UTRN: variants seen among roughly 807,000 people sequenced by gnomAD.
UTRN encodes dystrophin-related protein 1.
Under a neutral mutation model 463.9 loss-of-function variants are expected in UTRN, and 283 were observed. The observed-to-expected ratio is 0.61, with a 90% CI of 0.55 to 0.67. The LOEUF (loss-of-function observed/expected upper bound fraction) is 0.67, where lower values mean the gene tolerates loss of function less well. Among genes scored for constraint, UTRN ranks in the 30% least tolerant of loss-of-function variants. The pLI is 0.00. For missense variants in UTRN, 3,922 were observed against 4,084.3 expected (o/e 0.96, Z 1.08); for synonymous variants, 1,442 against 1,431.5 (o/e 1.01, Z -0.17).
intron 56 of UTRN, among the ~76,000 whole-genome samples, chr6:144,753,847 A>G (rs1791667789): frequency 6.6e-6 from 1 of 152,142 alleles, no homozygotes; most frequent in African/African-American, 2.4e-5. Flanking sequence ...AGCCTGGGCA[A>G]CAGAGTGAGA....
intron 2 of UTRN, among the ~76,000 whole-genome samples, chr6:144,313,814 A>G (rs1775096779): frequency 6.6e-6 from 1 of 152,320 alleles, no homozygotes; most frequent in South Asian, 2.1e-4. Context: ...GAGGCCCTCT[A>G]AAAGTCAGGA....
Position 144,560,038 on chromosome 6 carries a change from G to A in UTRN, c.7289+2727G>A, listed in dbSNP as rs999001348. Among the ~76,000 whole-genome samples, 7 of 152,086 alleles carry A rather than the reference G, an allele frequency of 4.6e-5. No homozygotes were observed. The East Asian group carries it at 9.6e-4, about 21-fold the overall frequency. On this transcript the variant is annotated intron_variant, in intron 50 of 74. Coordinates refer to ENST00000367545, the MANE Select transcript of UTRN (RefSeq NM_007124.3). The stretch of plus-strand genomic sequence containing the variant: ...TTTGTGCGTATAAATTTTGAGTGTC[G>A]TCTCATTGTCAGGCACTGTACTGAC...
intron 2 of UTRN, among the ~76,000 whole-genome samples, chr6:144,372,185 A>G (rs756998234): frequency 3.9e-5 from 6 of 152,220 alleles, no homozygotes; most frequent in Non-Finnish European, 7.3e-5. Context: ...AATCCTGCTT[A>G]TTTTATTTAG....
chr6:144,471,261 C>T (rs1584922945), intron 23 of UTRN, among the ~76,000 whole-genome samples: 1 of 152,112 alleles, frequency 6.6e-6, no homozygotes, highest in Non-Finnish European at 1.5e-5. Context: ...ATAAAACTTC[C>T]TCATATGCCA....
At position 144,428,850 on chromosome 6, in the gene UTRN, G is replaced by A. The variant is rs1315175395; in HGVS notation, c.651G>A (p.Lys217=). 1.2e-6 allele frequency: 2 copies of A among 1,611,124 alleles called. No individual in the cohort carries two copies. Among genetic ancestry groups the A allele is most frequent in the Non-Finnish European group, 8.5e-7 (1 of 1,179,218 alleles). ...AGAGACTTGAACATGCCTTCAGCAA[G>A]GCTCAAACTTATTTGGGAATTGAAA... ...PIERLEHAFS[K]AQTYLGIEKL... is the part of the protein sequence containing the mutation. The change falls in exon 8 of 75, where the codon AAG becomes AAA. Residue 217 remains lysine (K), a synonymous_variant. Coordinates refer to ENST00000367545, the MANE Select transcript of UTRN (RefSeq NM_007124.3).
chr6:144,583,528 G>C (rs1395408557), intron 51 of UTRN: 2 of 716,418 alleles, frequency 2.8e-6, no homozygotes, highest in South Asian at 3.0e-5. Context: ...CGTCTCTGCA[G>C]AAAGTTGTGG....
rs1260105237 is a variant in UTRN at position 144,843,942 on chromosome 6, C to G, written c.10271-2863C>G. 2.0e-5 allele frequency among the ~76,000 whole-genome samples: 3 copies of G among 152,164 alleles called. No individual in the cohort carries two copies. The East Asian group carries it at 5.8e-4, about 29-fold the overall frequency. ...AAATATTTATAATAGTCATAGTTTT[C>G]TGAATGAGCATTACTAGTCATGTCT... On this transcript the variant is annotated intron_variant, in intron 73 of 74. Transcript: ENST00000367545.
At chr6:144,747,526 AC>A (rs1790894445) in intron 54 of UTRN, among the ~76,000 whole-genome samples, 1 of 152,126 alleles carries the variant, frequency 6.6e-6, no homozygotes, top group Non-Finnish European at 1.5e-5. Context: ...TCTCCTCTGG[AC>A]TGTTCCAGCC....
intron 71 of UTRN, 144 bp from the exon 72 acceptor site, chr6:144,839,029 T>C (rs1195379102): frequency 1.7e-6 from 1 of 583,694 alleles, no homozygotes; most frequent in Non-Finnish European, 2.9e-6. Context: ...AAGCTGATGC[T>C]AAAATGTATG....
At chr6:144,459,120 C>A in intron 20 of UTRN, 54 bp from the exon 21 acceptor site, 2 of 1,581,970 alleles carry the variant, frequency 1.3e-6, no homozygotes, top group South Asian at 1.2e-5. Flanking sequence ...GATTAACTTC[C>A]TGTGAGGATG....
chr6:144,797,687 T>A, intron 63 of UTRN, 137 bp from the exon 64 acceptor site: 2 of 859,454 alleles, frequency 2.3e-6, no homozygotes, highest in Admixed American at 6.5e-5. Flanking sequence ...CTTAAAGCAT[T>A]GTGACTTAAC....
At chr6:144,718,425 G>A (rs1229713760) in intron 53 of UTRN, among the ~76,000 whole-genome samples, 1 of 152,214 alleles carries the variant, frequency 6.6e-6, no homozygotes, top group East Asian at 1.9e-4. Flanking sequence ...AGCTTTGATG[G>A]TGTACCAGCT....
At chr6:144,716,575 C>T (rs985676138) in intron 53 of UTRN, among the ~76,000 whole-genome samples, 2 of 152,002 alleles carry the variant, frequency 1.3e-5, no homozygotes, top group African/African-American at 4.8e-5. Context: ...TAAATGAGCT[C>T]AATTCTAGTG....
chr6:144,835,084 TC>T (rs1780991649), intron 69 of UTRN, among the ~76,000 whole-genome samples: 1 of 152,190 alleles, frequency 6.6e-6, no homozygotes, highest in African/African-American at 2.4e-5. Context: ...CATAAATATA[TC>T]AACTTTGTTA....
chr6:144,577,266 G>A lies in UTRN; in HGVS notation c.7457G>A (p.Arg2486Lys). Residue 2486 changes from arginine to lysine, a missense_variant, in exon 51 of 75, where the codon AGG (arginine) becomes AAG (lysine). By Grantham distance (26) the Arg-to-Lys change is conservative. Transcript: ENST00000367545. ...ENALQDSILARELKQQMQDIQ... is the reference protein window; with the variant it reads ...ENALQDSILAKELKQQMQDIQ... ...GCTCTTCAGGATAGTATCTTGGCCAGGGAACTCAAACAGCAGATGCAGGTA... is the reference window on the plus strand; with the variant it reads ...GCTCTTCAGGATAGTATCTTGGCCAAGGAACTCAAACAGCAGATGCAGGTA... 1 of 1,613,798 alleles carries A rather than the reference G, an allele frequency of 6.2e-7. No individual in the cohort carries two copies. Among genetic ancestry groups the A allele is most frequent in the Admixed American group, 1.7e-5 (1 of 59,984 alleles).
In UTRN at chr6:144,602,891, C is replaced by T. The variant is rs1048823658; in HGVS notation, c.7479+25603C>T. On this transcript the variant is annotated intron_variant, in intron 51 of 74. Coordinates refer to ENST00000367545, the MANE Select transcript of UTRN (RefSeq NM_007124.3). ...ATTTTTCTTAGACATAATGCTATTG[C>T]ACACTTAATAGAGTAGTTTAGTGTA... Among the ~76,000 whole-genome samples the T allele has an allele frequency of 8.5e-5, 13 of 152,166 alleles. No homozygotes were observed. The East Asian group carries it at 9.6e-4, about 11-fold the overall frequency.
intron 58 of UTRN, among the ~76,000 whole-genome samples, chr6:144,764,266 C>T (rs368156928): frequency 6.6e-6 from 1 of 152,092 alleles, no homozygotes; most frequent in African/African-American, 2.4e-5. Flanking sequence ...CAGTAGAAAG[C>T]CTGCCCTGCA....
At chr6:144,597,181 T>C (rs1803742019) in intron 51 of UTRN, among the ~76,000 whole-genome samples, 1 of 145,962 alleles carries the variant, frequency 6.9e-6, no homozygotes, top group African/African-American at 2.5e-5. Flanking sequence ...AAGGTTGCAG[T>C]GAACCGAGAT....
At chr6:144,818,670 G>A (rs1779293802) in intron 65 of UTRN, among the ~76,000 whole-genome samples, 1 of 152,160 alleles carries the variant, frequency 6.6e-6, no homozygotes, top group Non-Finnish European at 1.5e-5. Flanking sequence ...TTATACACGG[G>A]TCCTCTTTAT....
Sources: gnomAD v4.1 joint callset for allele counts (sites outside exome capture counted in the v4.1 genomes callset) on GRCh38, gnomAD v4.1.1 for gene constraint, MANE v1.5 for transcripts, NCBI Gene and HGNC (gene_info 2026-07-23, HGNC 2026-07-21) for gene names.